Variants in KIF21A observed in about 807,000 individuals in gnomAD.
KIF21A encodes kinesin-like protein KIF21A.
A neutral mutation model predicts 202.9 loss-of-function variants in KIF21A; 114 were observed. That is an observed-to-expected ratio of 0.56 (90% CI 0.48 to 0.66). The LOEUF is 0.66. KIF21A is among the 30% of genes least tolerant of loss of function. KIF21A has a pLI of 0.00. For synonymous variants in KIF21A, 667 were observed against 670.8 expected (o/e 0.99, Z 0.09); for missense variants, 1,677 against 1,994.9 (o/e 0.84, Z 3.04).
At chr12:39,297,198 G>C (rs920689587) in intron 37 of KIF21A, among the ~76,000 whole-genome samples, 2 of 152,134 alleles carry the variant, frequency 1.3e-5, no homozygotes, top group Non-Finnish European at 2.9e-5. Context: ...GAATGAGCAG[G>C]TTTCTTGAAA....
chr12:39,328,794 A>G (rs752648060), intron 24 of KIF21A, among the ~76,000 whole-genome samples: 4 of 152,122 alleles, frequency 2.6e-5, no homozygotes, highest in African/African-American at 4.8e-5. Context: ...TCTGGCCCCA[A>G]TTCAACCTTG....
At chr12:39,306,159 C>T (rs1170390744) in intron 34 of KIF21A, among the ~76,000 whole-genome samples, 8 of 152,184 alleles carry the variant, frequency 5.3e-5, no homozygotes, top group Non-Finnish European at 7.3e-5. Flanking sequence ...TAAGATATTA[C>T]AGTTTCTTGA....
chr12:39,394,960 T>C (rs527500938), intron 1 of KIF21A, among the ~76,000 whole-genome samples: 64 of 152,310 alleles, frequency 4.2e-4, no homozygotes, highest in African/African-American at 1.5e-3. Flanking sequence ...AGCCTTCTTC[T>C]CTCTTACCTA....
chr12:39,406,886 C>G (rs1952635369), intron 1 of KIF21A, among the ~76,000 whole-genome samples: 1 of 152,212 alleles, frequency 6.6e-6, no homozygotes, highest in Admixed American at 6.5e-5. Context: ...TATAATACCT[C>G]CAAACTCATG....
intron 1 of KIF21A, among the ~76,000 whole-genome samples, chr12:39,370,901 A>G (rs1470367128): frequency 3.3e-5 from 5 of 152,100 alleles, no homozygotes; most frequent in African/African-American, 1.2e-4. Flanking sequence ...TCCATGAAAG[A>G]TTGGTTTCAC....
intron 20 of KIF21A, 45 bp from the exon 21 acceptor site, chr12:39,332,453 T>C (rs1946587654): frequency 1.3e-6 from 2 of 1,592,854 alleles, no homozygotes; most frequent in East Asian, 2.2e-5. Flanking sequence ...TGTTCACTTA[T>C]TTATATACAG....
intron 1 of KIF21A, among the ~76,000 whole-genome samples, chr12:39,429,681 C>A (rs2140332788): frequency 6.6e-6 from 1 of 152,190 alleles, no homozygotes; most frequent in African/African-American, 2.4e-5. Flanking sequence ...ATAAAGAAAC[C>A]AACCAAGATG....
Position 39,356,904 on chromosome 12 carries a change from CA to C in KIF21A, c.1406-10del, listed in dbSNP as rs1415115966. 3 of 1,192,492 alleles carry C rather than the reference CA, an allele frequency of 2.5e-6. No individual in the cohort carries two copies. The highest frequency in any genetic ancestry group is 3.0e-5 in the African/African-American group (2 of 66,040). 73.9% of individuals were successfully genotyped at this position (1,192,492 alleles called of 1,614,324 possible). ...CTCCTCATTTCCTTCACCTGAAAGA[CA>C]AAATATGAAATAAAAATTTTCCTTT... On this transcript the variant is annotated splice_polypyrimidine_tract_variant and intron_variant, in intron 9 of 37. Transcript: ENST00000361418.
Position 39,315,945 on chromosome 12 carries a change from A to G in KIF21A, c.3934T>C (p.Ser1312Pro). The G allele has an allele frequency of 6.2e-7, 1 of 1,605,578 alleles. No homozygotes were observed. The highest frequency in any genetic ancestry group is 8.5e-7 in the Non-Finnish European group (1 of 1,172,414). ...GAAAGAAAGTACCTGTGTACCTCCG[A>G]GAGAGAGGAGTCACTTTCATCAGAC... ...DKSDESDSSL[S>P]EVHRSSRRGI... is the part of the protein sequence containing the mutation. Residue 1312 changes from serine (S) to proline (P), a missense_variant, in exon 30 of 38, where the codon TCG becomes CCG. This residue lies in a region of KIF21A where 705 missense variants were observed against 791.9 expected (regional missense o/e 0.89). Transcript: ENST00000361418.
chr12:39,322,534 C>T (rs550644940), intron 27 of KIF21A, 134 bp downstream of exon 27: 1 of 678,284 alleles, frequency 1.5e-6, no homozygotes. Flanking sequence ...GAGACAACAC[C>T]TAGCAAATTA....
intron 21 of KIF21A, 103 bp from the exon 22 acceptor site, chr12:39,331,894 A>G: frequency 1.1e-6 from 1 of 892,846 alleles, no homozygotes; most frequent in Non-Finnish European, 1.9e-6. Flanking sequence ...GGGTTAGCTA[A>G]TGAGATGCTC....
At chr12:39,301,916 C>T (rs914942291) in intron 36 of KIF21A, among the ~76,000 whole-genome samples, 2 of 152,168 alleles carry the variant, frequency 1.3e-5, no homozygotes, top group African/African-American at 4.8e-5. Context: ...CTATAATCTA[C>T]AGAATGTAAA....
chr12:39,437,822 G>T (rs1939025828), intron 1 of KIF21A, among the ~76,000 whole-genome samples: 1 of 152,082 alleles, frequency 6.6e-6, no homozygotes, highest in African/African-American at 2.4e-5. Context: ...AGGATGAAAG[G>T]AATAAATAAC....
At chr12:39,296,724 A>C (rs1316177217) in intron 37 of KIF21A, among the ~76,000 whole-genome samples, 2 of 152,342 alleles carry the variant, frequency 1.3e-5, no homozygotes, top group South Asian at 4.1e-4. Flanking sequence ...GGAATGTTCA[A>C]GGACCAGCAA....
intron 1 of KIF21A, among the ~76,000 whole-genome samples, chr12:39,407,758 G>C (rs1269587955): frequency 6.6e-6 from 1 of 151,900 alleles, no homozygotes; most frequent in Non-Finnish European, 1.5e-5. Context: ...AAGCAACAAG[G>C]TGCTATCCTC....
intron 3 of KIF21A, among the ~76,000 whole-genome samples, chr12:39,369,225 G>A (rs1336020220): frequency 6.6e-6 from 1 of 152,132 alleles, no homozygotes; most frequent in Non-Finnish European, 1.5e-5. Flanking sequence ...TTGGGAGGCA[G>A]AGGCAAGTGA....
chr12:39,294,427 A>AT lies in KIF21A; in HGVS notation c.5021dup (p.Asn1674LysfsTer10), dbSNP rs1385642297. ...TACAACCTATCTTCATTCATGTTTA[A>AT]TTACTGGCAATATCTTCCCCCAGAT... On this transcript the variant is annotated frameshift_variant, in exon 38 of 38. Transcript: ENST00000361418. LOFTEE classifies it high-confidence loss of function. 5 of 1,607,102 alleles carry AT rather than the reference A, an allele frequency of 3.1e-6. No homozygotes were observed. Among genetic ancestry groups the AT allele is most frequent in the Non-Finnish European group, 4.3e-6 (5 of 1,173,804 alleles).
At chr12:39,321,798 G>C (rs1222644811) in intron 27 of KIF21A, 1 of 152,164 alleles carries the variant, frequency 6.6e-6, no homozygotes, top group Non-Finnish European at 1.5e-5. Context: ...TCAGTGCAGA[G>C]ATGTATTCAT....
chr12:39,363,947 G>A (rs1045685575), intron 6 of KIF21A, among the ~76,000 whole-genome samples: 1 of 152,252 alleles, frequency 6.6e-6, no homozygotes, highest in Admixed American at 6.5e-5. Flanking sequence ...GAACCTGGGA[G>A]GTGGAGGTTG....
Sources: gnomAD v4.1 joint callset for allele counts (sites outside exome capture counted in the v4.1 genomes callset) on GRCh38, gnomAD v4.1.1 for gene constraint, gnomAD v4.1.1 regional missense constraint, MANE v1.5 for transcripts, NCBI Gene and HGNC (gene_info 2026-07-23, HGNC 2026-07-21) for gene names.